Variants in FER observed in about 807,000 individuals in gnomAD.
FER encodes the protein tyrosine-protein kinase Fer.
Under a neutral mutation model 111.0 loss-of-function variants are expected in FER, and 63 were observed. That is an observed-to-expected ratio of 0.57 (90% CI 0.46 to 0.70). The LOEUF (loss-of-function observed/expected upper bound fraction) is 0.70, where lower values mean the gene tolerates loss of function less well. Among genes scored for constraint, FER ranks in the 30% least tolerant of loss-of-function variants. The pLI, the probability that FER is intolerant of heterozygous loss-of-function variation, is 0.00. For synonymous variants in FER, 327 were observed against 313.9 expected (o/e 1.04, Z -0.44); for missense variants, 914 against 954.0 (o/e 0.96, Z 0.55).
intron 17 of FER, among the ~76,000 whole-genome samples, chr5:109,147,792 T>G (rs536527394): frequency 1.6e-3 from 223 of 136,082 alleles, no homozygotes; most frequent in Middle Eastern, 8.0e-3. Context: ...TATATATATA[T>G]ATATATATAG....
chr5:108,762,602 A>G (rs987672448), intron 1 of FER, among the ~76,000 whole-genome samples: 1 of 152,186 alleles, frequency 6.6e-6, no homozygotes, highest in Non-Finnish European at 1.5e-5. Flanking sequence ...CTATAGTTTC[A>G]TGGTCCTGCT....
chr5:109,004,826 G>T (rs2149789741), intron 13 of FER, among the ~76,000 whole-genome samples: 1 of 151,998 alleles, frequency 6.6e-6, no homozygotes, highest in Non-Finnish European at 1.5e-5. Context: ...TAGGTTGTTT[G>T]TTTCATTTGA....
intron 13 of FER, among the ~76,000 whole-genome samples, chr5:109,007,048 A>G (rs1240473815): frequency 1.3e-5 from 2 of 152,172 alleles, no homozygotes; most frequent in Non-Finnish European, 1.5e-5. Context: ...TAGTTGGGTT[A>G]TTCAGAAAAT....
At chr5:108,756,337 G>A (rs2149916293) in intron 1 of FER, among the ~76,000 whole-genome samples, 1 of 151,960 alleles carries the variant, frequency 6.6e-6, no homozygotes, top group South Asian at 2.1e-4. Flanking sequence ...TAGGAGCAAA[G>A]GAAACATTTT....
rs965186831 is a variant in FER, at chr5:108,773,220, C to G, written c.-60+4982C>G. On this transcript the variant is annotated intron_variant, in intron 2 of 19. Transcript: ENST00000281092. ...TATTTTAAGCTCAGGGTTACATGTGCAGGATGTGCAGGTTTATTATATAGG... is the reference window on the plus strand; with the variant it reads ...TATTTTAAGCTCAGGGTTACATGTGGAGGATGTGCAGGTTTATTATATAGG... 2.6e-5 allele frequency among the ~76,000 whole-genome samples: 4 copies of G among 152,224 alleles called. No individual in the cohort carries two copies. In the South Asian group the frequency reaches 8.3e-4, roughly 32 times the overall value.
intron 16 of FER, chr5:109,051,908 G>A: frequency 1.9e-6 from 3 of 1,569,680 alleles, no homozygotes; most frequent in African/African-American, 1.3e-5. Context: ...TTGCAAGTGT[G>A]AACAGCACTC....
chr5:109,009,655 C>T (rs1177378710), intron 13 of FER, among the ~76,000 whole-genome samples: 1 of 152,174 alleles, frequency 6.6e-6, no homozygotes. Flanking sequence ...GTTGCAGTTA[C>T]TTATTCCTGT....
At chr5:108,868,791 G>T (rs1257099916) in intron 6 of FER, among the ~76,000 whole-genome samples, 1 of 152,042 alleles carries the variant, frequency 6.6e-6, no homozygotes, top group African/African-American at 2.4e-5. Context: ...GTTTAATGCA[G>T]GTTCTTGCAT....
chr5:108,904,025 G>T (rs1416644246), intron 10 of FER, among the ~76,000 whole-genome samples: 1 of 152,016 alleles, frequency 6.6e-6, no homozygotes, highest in Non-Finnish European at 1.5e-5. Context: ...TTTACTTAAT[G>T]CATCTTAGGT....
At chr5:109,005,989 ATT>A (rs1207688908) in intron 13 of FER, among the ~76,000 whole-genome samples, 3 of 152,218 alleles carry the variant, frequency 2.0e-5, no homozygotes, top group Non-Finnish European at 4.4e-5. Context: ...TAAAATATTT[ATT>A]GTTTTTAACC....
intron 16 of FER, among the ~76,000 whole-genome samples, chr5:109,096,749 C>T (rs1441445031): frequency 6.6e-6 from 1 of 151,830 alleles, no homozygotes; most frequent in Non-Finnish European, 1.5e-5. Flanking sequence ...TAGGACCACC[C>T]TTATTACTGA....
At chr5:109,015,909 C>T (rs1767039022) in intron 13 of FER, among the ~76,000 whole-genome samples, 1 of 151,898 alleles carries the variant, frequency 6.6e-6, no homozygotes, top group African/African-American at 2.4e-5. Flanking sequence ...ATGTTTGAAC[C>T]ACTATGTCAC....
chr5:109,173,387 G>C (rs1049389236), intron 17 of FER, among the ~76,000 whole-genome samples: 1 of 152,230 alleles, frequency 6.6e-6, no homozygotes, highest in Non-Finnish European at 1.5e-5. Flanking sequence ...ATAGTAAATG[G>C]ACTCAATGGT....
intron 17 of FER, among the ~76,000 whole-genome samples, chr5:109,142,098 G>A (rs1351727254): frequency 6.6e-6 from 1 of 152,116 alleles, no homozygotes; most frequent in East Asian, 1.9e-4. Context: ...TTTGGGCTCA[G>A]GAAGAAAAGG....
chr5:109,146,243 TA>T (rs1561953546), intron 17 of FER, among the ~76,000 whole-genome samples: 13 of 83,130 alleles, frequency 1.6e-4, no homozygotes, highest in African/African-American at 5.2e-4. Context: ...AATATATATA[TA>T]ATCTATCTAA....
At chr5:108,796,016 A>G (rs1458848882) in intron 2 of FER, among the ~76,000 whole-genome samples, 1 of 152,148 alleles carries the variant, frequency 6.6e-6, no homozygotes, top group Non-Finnish European at 1.5e-5. Context: ...TGTACCTGTC[A>G]TCCTTGGGAA....
At chr5:108,753,361 T>A (rs947086960) in intron 1 of FER, among the ~76,000 whole-genome samples, 1 of 152,184 alleles carries the variant, frequency 6.6e-6, no homozygotes, top group African/African-American at 2.4e-5. Flanking sequence ...ATATCTCAGA[T>A]TAGCTGTTCT....
intron 13 of FER, among the ~76,000 whole-genome samples, chr5:108,963,230 G>A (rs1366199025): frequency 7.2e-5 from 11 of 152,032 alleles, no homozygotes; most frequent in East Asian, 5.8e-4. Context: ...GTAAGAAATC[G>A]CTTTCTGAAT....
rs575591601 is a variant in FER at position 109,025,943 on chromosome 5, C to G, written c.1657-11479C>G. On this transcript the variant is annotated intron_variant, in intron 13 of 19. Coordinates refer to ENST00000281092, the MANE Select transcript of FER (RefSeq NM_005246.4). ...AAGGGTCTGTATCAGCATTTTTTCA[C>G]TTATTATCACCTGCATTGCTTCCTT... 1.9e-3 allele frequency among the ~76,000 whole-genome samples: 289 copies of G among 152,272 alleles called. 2 individuals are homozygous for G. Among genetic ancestry groups the G allele is most frequent in the African/African-American group, 6.3e-3 (260 of 41,564 alleles).
Sources: allele counts gnomAD v4.1 joint callset (sites outside exome capture counted in the v4.1 genomes callset), GRCh38; gene constraint gnomAD v4.1.1; transcripts MANE v1.5; gene names NCBI Gene and HGNC (gene_info 2026-07-23, HGNC 2026-07-21).